Variants in KALRN observed in about 807,000 individuals in gnomAD.
KALRN encodes the protein kalirin.
In KALRN, 70 loss-of-function variants were observed where a neutral mutation model predicts 353.7. The observed-to-expected ratio is 0.20, with a 90% confidence interval of 0.16 to 0.24. KALRN has a LOEUF of 0.24. KALRN is among the 10% of genes least tolerant of loss of function. KALRN has a pLI of 1.00. For missense variants in KALRN, 2,791 were observed against 3,756.7 expected, an observed-to-expected ratio of 0.74 and a Z score of 6.72; for synonymous variants, 1,391 against 1,434.8, an observed-to-expected ratio of 0.97 and a Z score of 0.69.
intron 10 of KALRN, among the ~76,000 whole-genome samples, chr3:124,358,726 C>T (rs934870964): frequency 3.9e-5 from 6 of 152,208 alleles, no homozygotes; most frequent in African/African-American, 1.4e-4. Flanking sequence ...TTTCTCACAA[C>T]ATCCCATGAG....
chr3:124,171,836 T>G (rs1385137706), intron 1 of KALRN, among the ~76,000 whole-genome samples: 2 of 152,150 alleles, frequency 1.3e-5, no homozygotes, highest in Non-Finnish European at 2.9e-5. Context: ...GCAGTTGCCT[T>G]CAGAGTCCCT....
chr3:124,057,779 G>T (rs966934309), intron 1 of KALRN, among the ~76,000 whole-genome samples: 1 of 152,088 alleles, frequency 6.6e-6, no homozygotes, highest in South Asian at 2.1e-4. Context: ...TCAAGGACCC[G>T]CTGTCCTTTC....
At chr3:124,366,651 A>G (rs2149727797) in intron 10 of KALRN, among the ~76,000 whole-genome samples, 1 of 151,448 alleles carries the variant, frequency 6.6e-6, no homozygotes, top group South Asian at 2.1e-4. Context: ...TCTTTTCCCC[A>G]CCTTTCCCCC....
intron 1 of KALRN, among the ~76,000 whole-genome samples, chr3:124,211,891 G>A (rs1408892080): frequency 2.0e-5 from 3 of 152,150 alleles, no homozygotes; most frequent in Admixed American, 2.0e-4. Context: ...CATGACTCTT[G>A]TGCCTTTTTG....
At chr3:124,439,870 T>G (rs1419419132) in intron 18 of KALRN, among the ~76,000 whole-genome samples, 2 of 152,222 alleles carry the variant, frequency 1.3e-5, no homozygotes, top group African/African-American at 4.8e-5. Context: ...ATCTAAAGGC[T>G]GCATTTGCTC....
intron 1 of KALRN, among the ~76,000 whole-genome samples, chr3:124,093,428 C>G (rs562369431): frequency 6.6e-6 from 1 of 152,338 alleles, no homozygotes; most frequent in African/African-American, 2.4e-5. Context: ...CATCCTAGAC[C>G]TGGGGACTCC....
chr3:124,560,825 C>G (rs1440734756), intron 33 of KALRN, among the ~76,000 whole-genome samples: 1 of 152,136 alleles, frequency 6.6e-6, no homozygotes, highest in Non-Finnish European at 1.5e-5. Flanking sequence ...TGCAGTGAGC[C>G]AAGATTGCAC....
intron 6 of KALRN, among the ~76,000 whole-genome samples, chr3:124,311,785 A>G (rs2078294254): frequency 6.6e-6 from 1 of 152,250 alleles, no homozygotes; most frequent in Admixed American, 6.5e-5. Context: ...AAAATGTAGT[A>G]TCTTCATATA....
In KALRN at chr3:124,611,226, G is replaced by GA. The variant is rs530658037; in HGVS notation, c.5183-21194_5183-21193insA. Among the ~76,000 whole-genome samples, 39 of 152,266 alleles carry GA rather than the reference G, an allele frequency of 2.6e-4. No homozygotes were observed. The East Asian group carries it at 7.3e-3, about 29-fold the overall frequency. ...AATGGGCTCTGTGGGATCTGGGGAA[G>GA]GACCGCCTAGGTAGAGAGAGAAGTA... On this transcript the variant is annotated intron_variant, in intron 34 of 59. Transcript: ENST00000682506.
intron 13 of KALRN, among the ~76,000 whole-genome samples, chr3:124,399,192 G>T (rs1029283654): frequency 2.6e-5 from 4 of 152,154 alleles, no homozygotes; most frequent in Non-Finnish European, 5.9e-5. Context: ...AGGCTGAAGT[G>T]CATTGGCGCG....
chr3:124,230,711 C>T (rs1450128822), intron 2 of KALRN, among the ~76,000 whole-genome samples: 2 of 151,994 alleles, frequency 1.3e-5, no homozygotes, highest in Admixed American at 6.6e-5. Flanking sequence ...ACTGCACCTG[C>T]GCTTGTGGTG....
chr3:124,579,763 G>C (rs1445452267), intron 34 of KALRN, among the ~76,000 whole-genome samples: 1 of 152,152 alleles, frequency 6.6e-6, no homozygotes, highest in Non-Finnish European at 1.5e-5. Flanking sequence ...CATCAACTTA[G>C]AAATCTTGTT....
At chr3:124,163,975 GTCAT>G in intron 1 of KALRN, 1 of 985,406 alleles carries the variant, frequency 1.0e-6, no homozygotes, top group Non-Finnish European at 1.2e-6. Context: ...CTTTTCTGTG[GTCAT>G]TCAGAGTAGC....
intron 45 of KALRN, 139 bp downstream of exon 45, chr3:124,662,067 T>G: frequency 4.3e-6 from 3 of 695,350 alleles, no homozygotes; most frequent in Non-Finnish European, 7.8e-6. Flanking sequence ...CCCGGGCCCC[T>G]CTGGTTCACA....
rs113033643 is a variant in KALRN, at chr3:124,167,640, C to G, written c.74-60350C>G. 9.7e-4 allele frequency among the ~76,000 whole-genome samples: 147 copies of G among 152,220 alleles called. 1 individual carries two copies. The highest frequency in any genetic ancestry group is 3.4e-3 in the African/African-American group (143 of 41,542). The stretch of plus-strand genomic sequence containing the variant: ...TCTTTCAGCACAGATAACAGGTATT[C>G]TCTGTATAAAATTGCATGACTCTCT... On this transcript the variant is annotated intron_variant, in intron 1 of 59. Transcript: ENST00000682506.
chr3:124,290,781 A>T (rs2076349771), intron 5 of KALRN, among the ~76,000 whole-genome samples: 1 of 152,204 alleles, frequency 6.6e-6, no homozygotes, highest in Non-Finnish European at 1.5e-5. Flanking sequence ...TTAGTACAGT[A>T]CCTGTCACAT....
Position 124,268,485 on chromosome 3 carries a change from A to G in KALRN, c.457-258A>G. 2.2e-5 allele frequency: 11 copies of G among 494,798 alleles called. No homozygotes were observed. In the South Asian group the frequency reaches 3.1e-4, roughly 14 times the overall value. The allele number at this position is 494,798 out of a possible 1,614,324, so 30.7% of individuals were successfully genotyped here. A position where few individuals can be genotyped will look rare whatever the true frequency, so the allele number is the denominator to read the frequency against. ...GAGGGAAAATGAGGAGAGGAGGGAC[A>G]CAAAAGCAGTTCTTCTGGGGTGGTA... is the stretch of plus-strand genomic sequence containing the variant. On this transcript the variant is annotated intron_variant, in intron 4 of 59. Transcript: ENST00000682506.
At chr3:124,188,418 A>T (rs1187291107) in intron 1 of KALRN, among the ~76,000 whole-genome samples, 1 of 152,138 alleles carries the variant, frequency 6.6e-6, no homozygotes, top group Non-Finnish European at 1.5e-5. Context: ...TCCTGAAAAG[A>T]TTTCCCTTCA....
chr3:124,511,617 G>A (rs2065911934), intron 33 of KALRN, among the ~76,000 whole-genome samples: 1 of 152,146 alleles, frequency 6.6e-6, no homozygotes. Context: ...CCTCCAGTGA[G>A]CAGGCCCCTT....
Sources: allele counts gnomAD v4.1 joint callset (sites outside exome capture counted in the v4.1 genomes callset), GRCh38; gene constraint gnomAD v4.1.1; transcripts MANE v1.5; gene names NCBI Gene and HGNC (gene_info 2026-07-23, HGNC 2026-07-21).